CYP4F22: variants seen among roughly 807,000 people sequenced by gnomAD.
CYP4F22 encodes the protein cytochrome P450 family 4 subfamily F member 22.
Under a neutral mutation model 60.4 loss-of-function variants are expected in CYP4F22, and 37 were observed. The observed-to-expected ratio is 0.61, with a 90% confidence interval of 0.47 to 0.81. CYP4F22 has a LOEUF of 0.81. Among genes scored for constraint, CYP4F22 ranks in the 30% least tolerant of loss-of-function variants. The pLI is 0.00. For missense variants in CYP4F22, 655 were observed against 715.0 expected, an observed-to-expected ratio of 0.92 and a Z score of 0.96; for synonymous variants, 258 against 280.5, an observed-to-expected ratio of 0.92 and a Z score of 0.80.
intron 3 of CYP4F22, among the ~76,000 whole-genome samples, chr19:15,528,376 A>C (rs1971305475): frequency 6.6e-6 from 1 of 152,022 alleles, no homozygotes; most frequent in Non-Finnish European, 1.5e-5. Flanking sequence ...TGAGCTTGGG[A>C]ATTAACGCCC....
rs1971448663 is a variant in CYP4F22, at chr19:15,540,663, T to G, written c.885T>G (p.Leu295=). The change falls in exon 8 of 14, where the codon CTT becomes CTG. Residue 295 remains leucine (L), a synonymous_variant. Coordinates refer to ENST00000269703, the MANE Select transcript of CYP4F22 (RefSeq NM_173483.4). The stretch of plus-strand genomic sequence containing the variant: ...GTCAGCAGGGGGCCGAGGCCTGGCT[T>G]AAGGCCAAGCAGGGGAAGACCTTGG... ...ALRQQGAEAW[L]KAKQGKTLDF... 3.1e-6 allele frequency: 5 copies of G among 1,613,760 alleles called. No homozygotes were observed. Among genetic ancestry groups the G allele is most frequent in the Non-Finnish European group, 4.2e-6 (5 of 1,179,954 alleles).
intron 1 of CYP4F22, among the ~76,000 whole-genome samples, chr19:15,515,072 G>A (rs770012557): frequency 2.3e-4 from 35 of 152,184 alleles, no homozygotes; most frequent in Admixed American, 4.6e-4. Flanking sequence ...CCCCAGGAGA[G>A]CCAGCTGGCT....
intron 1 of CYP4F22, among the ~76,000 whole-genome samples, chr19:15,513,001 T>TCG (rs1971109654): frequency 7.3e-6 from 1 of 137,552 alleles, no homozygotes. Flanking sequence ...TTTCTCTCTC[T>TCG]CTCTCTCTCT....
chr19:15,544,124 A>C, intron 9 of CYP4F22, 26 bp from the exon 10 acceptor site: 1 of 1,614,190 alleles, frequency 6.2e-7, no homozygotes, highest in Non-Finnish European at 8.5e-7. Context: ...GGCAGCCTCC[A>C]TTCAGATACC....
chr19:15,524,669 G>GA (rs778435472), intron 2 of CYP4F22, among the ~76,000 whole-genome samples: 231 of 120,818 alleles, frequency 1.9e-3, no homozygotes, highest in Non-Finnish European at 3.4e-3. Flanking sequence ...AAAGAAAGAA[G>GA]GAGAGAGAGA....
chr19:15,513,701 G>A (rs1202689310), intron 1 of CYP4F22, among the ~76,000 whole-genome samples: 4 of 151,996 alleles, frequency 2.6e-5, no homozygotes, highest in African/African-American at 7.2e-5. Context: ...GTGTTTCACC[G>A]TGTTGTCCAG....
At chr19:15,532,406 ACT>A (rs1260749493) in intron 4 of CYP4F22, among the ~76,000 whole-genome samples, 11 of 145,202 alleles carry the variant, frequency 7.6e-5, no homozygotes, top group African/African-American at 2.8e-4. Flanking sequence ...ACAGAGTCTC[ACT>A]CTGTCACCCA....
Position 15,537,648 on chromosome 19 carries a change from G to T in CYP4F22, c.535G>T (p.Ala179Ser), listed in dbSNP as rs758816247. ...TTACATGAAGATCTTCAACCAGAGC[G>T]CTGACATTATGCATGTGAGTCCTAA... ...KPYMKIFNQS[A>S]DIMHAKWRHL... Residue 179 changes from alanine (A) to serine (S), a missense_variant, in exon 6 of 14, where the codon GCT (alanine) becomes TCT (serine). Around this residue, in one of 3 missense-constraint regions of CYP4F22, gnomAD observed 430 missense variants for 457.1 expected, o/e 0.94. Coordinates refer to ENST00000269703, the MANE Select transcript of CYP4F22 (RefSeq NM_173483.4). 1 of 1,613,168 alleles carries T rather than the reference G, an allele frequency of 6.2e-7. No homozygotes were observed. The highest frequency in any genetic ancestry group is 1.1e-5 in the South Asian group (1 of 91,080).
At position 15,550,709 on chromosome 19, in the gene CYP4F22, A is replaced by G. The variant is rs755181302; in HGVS notation, c.1371A>G (p.Pro457=). The G allele has an allele frequency of 5.6e-6, 9 of 1,614,170 alleles. No individual in the cohort carries two copies. Among genetic ancestry groups the G allele is most frequent in the Non-Finnish European group, 7.6e-6 (9 of 1,180,028 alleles). ...CCTACCGCTTTGACCCGGACAACCC[A>G]CAGCAGCGCTCTCCACTGGCCTATG... ...YNPYRFDPDN[P]QQRSPLAYVP... Residue 457 remains proline (P), a synonymous_variant, in exon 13 of 14, where the codon CCA becomes CCG. Transcript: ENST00000269703.
chr19:15,543,858 GAAAAA>G, intron 8 of CYP4F22, 108 bp from the exon 9 acceptor site: 625 of 844,802 alleles, frequency 7.4e-4, no homozygotes, highest in East Asian at 1.1e-3. Context: ...CTCCATCTCA[GAAAAA>G]AAAAAAAAAA....
intron 10 of CYP4F22, among the ~76,000 whole-genome samples, chr19:15,547,017 A>ATTTTTTTTTTTTTT (rs1971533476): frequency 5.5e-5 from 2 of 36,246 alleles, no homozygotes; most frequent in Non-Finnish European, 5.1e-5. Flanking sequence ...GGCCTGCACC[A>ATTTTTTTTTTTTTT]GTTTTTTTTT....
intron 1 of CYP4F22, among the ~76,000 whole-genome samples, chr19:15,510,379 G>A (rs1444282808): frequency 6.6e-6 from 1 of 152,158 alleles, no homozygotes; most frequent in Non-Finnish European, 1.5e-5. Flanking sequence ...GGTAATGAGA[G>A]ATATCATTGA....
intron 3 of CYP4F22, among the ~76,000 whole-genome samples, chr19:15,528,436 C>G (rs935651039): frequency 1.1e-4 from 17 of 152,090 alleles, no homozygotes; most frequent in African/African-American, 3.9e-4. Flanking sequence ...GTATAAATAC[C>G]TCAGCTCCCT....
intron 9 of CYP4F22, 52 bp downstream of exon 9, chr19:15,544,089 G>A (rs1461184101): frequency 1.2e-6 from 2 of 1,614,026 alleles, no homozygotes; most frequent in African/African-American, 1.3e-5. Context: ...ATCATTGTCT[G>A]TAGACAGCAT....
intron 4 of CYP4F22, among the ~76,000 whole-genome samples, chr19:15,530,293 C>T (rs535893383): frequency 7.7e-4 from 117 of 152,182 alleles, no homozygotes; most frequent in Non-Finnish European, 1.3e-3. Context: ...ATTCCTTCTT[C>T]CTCGTGCAGT....
Position 15,548,221 on chromosome 19 carries a change from A to C in CYP4F22, c.1250A>C (p.Asp417Ala). The C allele has an allele frequency of 6.2e-7, 1 of 1,614,042 alleles. No homozygotes were observed. The highest frequency in any genetic ancestry group is 1.3e-5 in the African/African-American group (1 of 75,002). Residue 417 changes from aspartate (D) to alanine (A), a missense_variant, in exon 11 of 14, where the codon GAT (aspartate) becomes GCT (alanine). Physicochemically the swap from Asp to Ala is moderately radical, Grantham distance 126. Around this residue, in one of 3 missense-constraint regions of CYP4F22, gnomAD observed 74 missense variants for 118.4 expected, o/e 0.62. Transcript: ENST00000269703. Reference sequence around the variant, plus strand: ...TGCACGGAGGACATCAAGCTCCCAGATGGGCGCATCATCCCCAAAGGTGCC... The same window carrying C: ...TGCACGGAGGACATCAAGCTCCCAGCTGGGCGCATCATCCCCAAAGGTGCC... ...RQCTEDIKLPDGRIIPKGIIC... is the reference protein window; with the variant it reads ...RQCTEDIKLPAGRIIPKGIIC...
chr19:15,530,810 G>A (rs1971335133), intron 4 of CYP4F22, among the ~76,000 whole-genome samples: 1 of 152,038 alleles, frequency 6.6e-6, no homozygotes, highest in Admixed American at 6.6e-5. Flanking sequence ...CCCCCCACCG[G>A]ATCCCTCGCA....
rs1599788689 is a variant in CYP4F22 at position 15,516,721 on chromosome 19, T to C, written c.-108-6972T>C. 5.3e-6 allele frequency: 3 copies of C among 568,526 alleles called. No individual in the cohort carries two copies. In the East Asian group the frequency reaches 1.3e-4, roughly 24 times the overall value. The allele number at this position is 568,526 out of a possible 1,614,324, so 35.2% of individuals were successfully genotyped here. On this transcript the variant is annotated intron_variant, in intron 1 of 13. Coordinates refer to ENST00000269703, the MANE Select transcript of CYP4F22 (RefSeq NM_173483.4). ...GAGATACAAATTCATTCTTGTTGTTTTTGGGGAAGTCTTTGTATTCAACCT... is the reference window on the plus strand; with the variant it reads ...GAGATACAAATTCATTCTTGTTGTTCTTGGGGAAGTCTTTGTATTCAACCT...
At chr19:15,520,614 A>G (rs1374168274) in intron 1 of CYP4F22, among the ~76,000 whole-genome samples, 4 of 151,544 alleles carry the variant, frequency 2.6e-5, no homozygotes, top group African/African-American at 7.3e-5. Flanking sequence ...TTGAGATGGA[A>G]TCTCGCTCTG....
Sources: allele counts gnomAD v4.1 joint callset (sites outside exome capture counted in the v4.1 genomes callset), GRCh38; gene constraint gnomAD v4.1.1; regional missense constraint gnomAD v4.1.1; transcripts MANE v1.5; gene names NCBI Gene and HGNC (gene_info 2026-07-23, HGNC 2026-07-21).